Variants in MAF observed in about 807,000 individuals in gnomAD.
The protein encoded by MAF is transcription factor Maf.
A neutral mutation model predicts 22.0 loss-of-function variants in MAF; 10 were observed. The observed-to-expected ratio is 0.45, with a 90% CI of 0.28 to 0.77. The LOEUF (loss-of-function observed/expected upper bound fraction) is 0.77. Ranked by LOEUF, MAF falls within the 30% of genes least tolerant of loss-of-function variation. MAF has a pLI of 0.12. For synonymous variants in MAF, 337 were observed against 255.8 expected (o/e 1.32, Z -3.03); for missense variants, 544 against 548.4 (o/e 0.99, Z 0.08).
At chr16:79,424,184 G>C in the MAF span, among the ~76,000 whole-genome samples, 1,449 of 152,286 alleles carry the variant, frequency 9.5e-3, 23 homozygotes, top group African/African-American at 0.034. Context: ...GAAGGAAAGG[G>C]CAAGATTTTG....
At chr16:79,309,654 C>T in the MAF span, among the ~76,000 whole-genome samples, 1 of 152,188 alleles carries the variant, frequency 6.6e-6, no homozygotes, top group Non-Finnish European at 1.5e-5. Flanking sequence ...CTCTGAGTCC[C>T]CATCCACAGA....
At chr16:79,246,074 G>A in the MAF span, among the ~76,000 whole-genome samples, 399 of 152,212 alleles carry the variant, frequency 2.6e-3, 2 homozygotes, top group Middle Eastern at 0.017. Flanking sequence ...AGGGGTTAGC[G>A]GAGGGATAGC....
the MAF span, among the ~76,000 whole-genome samples, chr16:79,228,145 C>T: frequency 1.3e-3 from 204 of 152,190 alleles, 2 homozygotes; most frequent in African/African-American, 4.7e-3. Flanking sequence ...TCAAGTGATC[C>T]TCCTGCTTCT....
chr16:79,217,529 T>C, the MAF span, among the ~76,000 whole-genome samples: 2 of 152,226 alleles, frequency 1.3e-5, no homozygotes, highest in Admixed American at 6.5e-5. Context: ...CCTACATTTC[T>C]CAATAGGCCC....
At chr16:79,354,229 T>G in the MAF span, among the ~76,000 whole-genome samples, 1 of 151,944 alleles carries the variant, frequency 6.6e-6, no homozygotes, top group Non-Finnish European at 1.5e-5. Context: ...CTGGCTCAAG[T>G]GATTCTCCTG....
chr16:79,468,797 G>T, the MAF span, among the ~76,000 whole-genome samples: 1 of 152,200 alleles, frequency 6.6e-6, no homozygotes, highest in Non-Finnish European at 1.5e-5. Context: ...AGCCAGAGAA[G>T]CTCCATGGAG....
chr16:79,382,038 C>G, the MAF span, among the ~76,000 whole-genome samples: 2 of 152,214 alleles, frequency 1.3e-5, no homozygotes, highest in Non-Finnish European at 2.9e-5. Flanking sequence ...TTTCCCCTGT[C>G]TCTTCCACTT....
the MAF span, among the ~76,000 whole-genome samples, chr16:79,328,678 C>A: frequency 2.0e-5 from 3 of 152,102 alleles, no homozygotes; most frequent in African/African-American, 7.2e-5. Flanking sequence ...TTCATTTGGC[C>A]AATATAACTC....
chr16:79,554,388 G>A, the MAF span, among the ~76,000 whole-genome samples: 20,618 of 152,084 alleles, frequency 0.14, 1,502 homozygotes, highest in East Asian at 0.27. Flanking sequence ...TTATTAGAAA[G>A]GTAGAAAAAC....
At chr16:79,598,165 C>CT (rs1257032192) in intron 1 of MAF, 2,664 of 937,062 alleles carry the variant, frequency 2.8e-3, no homozygotes, top group African/African-American at 7.4e-3. Flanking sequence ...AAAAACTTTG[C>CT]TTTTTTTTTT....
rs1027103137 is a variant in MAF at position 79,594,555 on chromosome 16, T to C, written c.1119-2A>G. On this transcript the variant is annotated splice_acceptor_variant, in intron 1 of 1. Coordinates refer to ENST00000326043, the MANE Select transcript of MAF (RefSeq NM_005360.5). LOFTEE classifies it high-confidence loss of function. Reference sequence around the variant, plus strand: ...TCCAACTTGCGAGTGGGCTCAGTTCTGTAATTGGAATGAAAGGAATTTTAA... The same window carrying C: ...TCCAACTTGCGAGTGGGCTCAGTTCCGTAATTGGAATGAAAGGAATTTTAA... The C allele has an allele frequency of 3.2e-6, 5 of 1,558,504 alleles. No individual in the cohort carries two copies. Among genetic ancestry groups the C allele is most frequent in the Non-Finnish European group, 4.3e-6 (5 of 1,149,426 alleles).
At chr16:79,417,183 T>C in the MAF span, among the ~76,000 whole-genome samples, 1 of 152,214 alleles carries the variant, frequency 6.6e-6, no homozygotes, top group Non-Finnish European at 1.5e-5. Flanking sequence ...CCAGCAGACT[T>C]GGGCGTTCAT....
At chr16:79,338,052 G>C in the MAF span, among the ~76,000 whole-genome samples, 199 of 152,292 alleles carry the variant, frequency 1.3e-3, 3 homozygotes, top group African/African-American at 4.7e-3. Flanking sequence ...CCCTGTCTTT[G>C]AGGAGCCCAT....
chr16:79,575,805 T>C, the MAF span, among the ~76,000 whole-genome samples: 6 of 152,288 alleles, frequency 3.9e-5, no homozygotes, highest in African/African-American at 1.4e-4. Context: ...CCTGAAAGCA[T>C]AGTTTTTATA....
At chr16:79,500,113 C>T in the MAF span, among the ~76,000 whole-genome samples, 1 of 152,268 alleles carries the variant, frequency 6.6e-6, no homozygotes, top group African/African-American at 2.4e-5. Flanking sequence ...AACCATGACC[C>T]CGCTGACACC....
chr16:79,544,643 A>G, the MAF span, among the ~76,000 whole-genome samples: 7,450 of 151,740 alleles, frequency 0.049, 243 homozygotes, highest in South Asian at 0.094. Context: ...GCGTGGTGGC[A>G]GGTACCTGTA....
At chr16:79,418,702 C>A in the MAF span, among the ~76,000 whole-genome samples, 2 of 152,244 alleles carry the variant, frequency 1.3e-5, no homozygotes, top group East Asian at 3.9e-4. Flanking sequence ...GATCCCCGGG[C>A]GCCTACCATA....
chr16:79,565,394 G>A, the MAF span, among the ~76,000 whole-genome samples: 3 of 152,142 alleles, frequency 2.0e-5, no homozygotes. Flanking sequence ...GCTGACCTGG[G>A]ACTATGATAT....
At chr16:79,488,486 T>A in the MAF span, among the ~76,000 whole-genome samples, 1 of 152,146 alleles carries the variant, frequency 6.6e-6, no homozygotes, top group Admixed American at 6.5e-5. Context: ...TGGAAGTCTA[T>A]AATGTAACAT....
Sources: gnomAD v4.1 joint callset for allele counts (sites outside exome capture counted in the v4.1 genomes callset) on GRCh38, gnomAD v4.1.1 for gene constraint, MANE v1.5 for transcripts, NCBI Gene and HGNC (gene_info 2026-07-23, HGNC 2026-07-21) for gene names.